Variants in TMEM245 observed in about 807,000 individuals in gnomAD.
The protein encoded by TMEM245 is transmembrane protein 245.
A neutral mutation model predicts 101.2 loss-of-function variants in TMEM245; 69 were observed. That is an observed-to-expected ratio of 0.68 (90% CI 0.56 to 0.83). TMEM245 has a LOEUF of 0.83. Among genes scored for constraint, TMEM245 ranks in the 40% least tolerant of loss-of-function variants. The pLI is 0.00. For synonymous variants in TMEM245, 537 were observed against 449.8 expected, an observed-to-expected ratio of 1.19 and a Z score of -2.45; for missense variants, 1,075 against 1,092.8, an observed-to-expected ratio of 0.98 and a Z score of 0.23.
chr9:109,039,906 T>C (rs1347951775), intron 14 of TMEM245, among the ~76,000 whole-genome samples: 3 of 151,904 alleles, frequency 2.0e-5, no homozygotes, highest in Non-Finnish European at 4.4e-5. Flanking sequence ...GAGGAAAAGA[T>C]AGAGATGTGA....
rs1409918545 is a variant in TMEM245, at chr9:109,080,809, T to C, written c.1449+30A>G. ...TACAATTCTAACAATTAAGGGTTTATTAATGAGAATAATAATCACTGTACT... is the reference window on the plus strand; with the variant it reads ...TACAATTCTAACAATTAAGGGTTTACTAATGAGAATAATAATCACTGTACT... On this transcript the variant is annotated intron_variant, in intron 8 of 17. Transcript: ENST00000374586. 5.2e-6 allele frequency: 7 copies of C among 1,337,506 alleles called. No homozygotes were observed. The African/African-American group carries it at 8.8e-5, about 17-fold the overall frequency. The allele number at this position is 1,337,506 out of a possible 1,614,324, so 82.9% of individuals were successfully genotyped here.
intron 8 of TMEM245, among the ~76,000 whole-genome samples, chr9:109,076,515 A>G (rs1829511336): frequency 6.7e-6 from 1 of 149,114 alleles, no homozygotes; most frequent in Admixed American, 6.6e-5. Flanking sequence ...ATGTACCCTA[A>G]AACTTAAAGT....
chr9:109,033,258 G>A (rs979528290), intron 17 of TMEM245, 49 bp downstream of exon 17: 1 of 1,513,352 alleles, frequency 6.6e-7, no homozygotes, highest in Non-Finnish European at 8.9e-7. Context: ...ACAGAGACAG[G>A]ACAGTTCAAT....
chr9:109,118,486 C>A (rs1354378350), intron 1 of TMEM245, among the ~76,000 whole-genome samples: 2 of 152,156 alleles, frequency 1.3e-5, no homozygotes, highest in African/African-American at 4.8e-5. Flanking sequence ...ATTAACTAGT[C>A]CACAATATAG....
chr9:109,047,429 C>A (rs1445224488), intron 14 of TMEM245, among the ~76,000 whole-genome samples: 1 of 152,154 alleles, frequency 6.6e-6, no homozygotes, highest in African/African-American at 2.4e-5. Context: ...CCTCTTATGT[C>A]CACAAATATA....
chr9:109,036,115 A>G (rs1828113708), intron 16 of TMEM245, 91 bp downstream of exon 16: 1 of 1,093,406 alleles, frequency 9.1e-7, no homozygotes, highest in Non-Finnish European at 1.2e-6. Flanking sequence ...GTTCTTTTGT[A>G]TACCCCCAGG....
chr9:109,075,940 A>G (rs1829486066), intron 8 of TMEM245, among the ~76,000 whole-genome samples: 1 of 152,168 alleles, frequency 6.6e-6, no homozygotes, highest in African/African-American at 2.4e-5. Flanking sequence ...AACTTAAGTC[A>G]CTGATTTTCC....
intron 5 of TMEM245, among the ~76,000 whole-genome samples, chr9:109,088,310 T>C (rs1829899612): frequency 6.6e-6 from 1 of 152,164 alleles, no homozygotes; most frequent in Non-Finnish European, 1.5e-5. Flanking sequence ...AGAACTCCTA[T>C]AGTTTCAGTA....
intron 7 of TMEM245, among the ~76,000 whole-genome samples, chr9:109,083,795 C>T (rs1031944790): frequency 6.7e-6 from 1 of 150,034 alleles, no homozygotes; most frequent in African/African-American, 2.5e-5. Flanking sequence ...GTGGCTCACA[C>T]CTATAATCCT....
intron 16 of TMEM245, among the ~76,000 whole-genome samples, chr9:109,034,111 A>G (rs2132315038): frequency 6.6e-6 from 1 of 152,368 alleles, no homozygotes; most frequent in South Asian, 2.1e-4. Context: ...TGTAAGCGGA[A>G]TGAAATAAAA....
intron 7 of TMEM245, among the ~76,000 whole-genome samples, chr9:109,084,457 T>C (rs570002644): frequency 1.3e-5 from 2 of 152,238 alleles, no homozygotes; most frequent in African/African-American, 4.8e-5. Flanking sequence ...AGTAGTCTCA[T>C]AAATTAGGTA....
At chr9:109,038,169 G>C in intron 14 of TMEM245, 52 bp from the exon 15 acceptor site, 1 of 1,437,030 alleles carries the variant, frequency 7.0e-7, no homozygotes, top group Non-Finnish European at 9.5e-7. Flanking sequence ...GTCATATCGT[G>C]ATTCAGAAAA....
intron 17 of TMEM245, among the ~76,000 whole-genome samples, chr9:109,024,343 T>C (rs952749793): frequency 6.6e-6 from 1 of 152,258 alleles, no homozygotes; most frequent in Non-Finnish European, 1.5e-5. Flanking sequence ...CATCGTCTTT[T>C]ATCAGCCTCA....
chr9:109,033,791 G>C (rs1035989639), intron 16 of TMEM245, among the ~76,000 whole-genome samples: 1 of 152,216 alleles, frequency 6.6e-6, no homozygotes, highest in African/African-American at 2.4e-5. Context: ...CATTACAGGT[G>C]CCTGCCTATG....
At chr9:109,049,847 C>T (rs1006042907) in intron 14 of TMEM245, among the ~76,000 whole-genome samples, 7 of 152,022 alleles carry the variant, frequency 4.6e-5, no homozygotes, top group East Asian at 1.9e-4. Flanking sequence ...AAGGCTGGAG[C>T]GCAGTGGCGT....
intron 8 of TMEM245, among the ~76,000 whole-genome samples, chr9:109,074,545 A>C (rs1829436393): frequency 6.6e-6 from 1 of 152,190 alleles, no homozygotes; most frequent in Non-Finnish European, 1.5e-5. Flanking sequence ...GAAAAGGATA[A>C]ATCAGAGGAA....
At position 109,019,705 on chromosome 9, in the gene TMEM245, T is replaced by C. The variant is rs1827561921; in HGVS notation, c.*755A>G. 1 of 152,634 alleles carries C rather than the reference T, an allele frequency of 6.6e-6. No homozygotes were observed. Among genetic ancestry groups the C allele is most frequent in the Middle Eastern group, 3.2e-3 (1 of 316 alleles). The allele number at this position is 152,634 out of a possible 1,614,324, so 9.5% of individuals were successfully genotyped here. On this transcript the variant is annotated 3_prime_UTR_variant, in exon 18 of 18. Coordinates refer to ENST00000374586, the MANE Select transcript of TMEM245 (RefSeq NM_032012.4). ...AACCACCTGGAAGGAGAAAACCTAA[T>C]AACAGCATGAATTTTATCATACTGT...
chr9:109,111,734 TAGTC>T (rs923958725), intron 1 of TMEM245, among the ~76,000 whole-genome samples: 5 of 152,136 alleles, frequency 3.3e-5, no homozygotes, highest in East Asian at 1.9e-4. Context: ...ATTGAGTAAT[TAGTC>T]AGACTTTCAA....
chr9:109,042,487 C>T (rs1034210097), intron 14 of TMEM245: 3 of 152,246 alleles, frequency 2.0e-5, no homozygotes, highest in East Asian at 1.9e-4. Flanking sequence ...TTGGACTAGC[C>T]TTTTCCAGTT....
Sources: allele counts gnomAD v4.1 joint callset (sites outside exome capture counted in the v4.1 genomes callset), GRCh38; gene constraint gnomAD v4.1.1; transcripts MANE v1.5; gene names NCBI Gene and HGNC (gene_info 2026-07-23, HGNC 2026-07-21).